DAB1: variants seen among roughly 807,000 people sequenced by gnomAD.
DAB1 encodes the protein DAB adaptor protein 1.
Under a neutral mutation model 64.6 loss-of-function variants are expected in DAB1, and 15 were observed. The ratio of observed to expected loss-of-function variants is 0.23; its 90% CI spans 0.16 to 0.36. The LOEUF (loss-of-function observed/expected upper bound fraction) is 0.36, where lower values mean the gene tolerates loss of function less well. Among genes scored for constraint, DAB1 ranks in the 10% least tolerant of loss-of-function variants. The pLI is 1.00. For missense variants in DAB1, 596 were observed against 706.7 expected (o/e 0.84, Z 1.78); for synonymous variants, 235 against 251.9 (o/e 0.93, Z 0.64).
chr1:57,591,399 C>A (rs755567939), intron 7 of DAB1, among the ~76,000 whole-genome samples: 4 of 152,170 alleles, frequency 2.6e-5, no homozygotes, highest in Admixed American at 6.5e-5. Flanking sequence ...GATATCACCA[C>A]AAATGTTCAG....
rs989094935 is a variant in DAB1, at chr1:57,897,444, T to C, written n.388-13282A>G. Reference sequence around the variant, plus strand: ...AATCCCATATTGATTTTTCTCTCAATTGATTTCACAAAATTTTCAGTTTAG... The same window carrying C: ...AATCCCATATTGATTTTTCTCTCAACTGATTTCACAAAATTTTCAGTTTAG... On this transcript the variant is annotated intron_variant and non_coding_transcript_variant, in intron 5 of 20. Coordinates refer to the DAB1 transcript ENST00000485760. 1.6e-4 allele frequency among the ~76,000 whole-genome samples: 25 copies of C among 152,212 alleles called. 1 individual carries two copies. The highest frequency in any genetic ancestry group is 2.8e-4 in the Non-Finnish European group (19 of 68,036).
chr1:57,842,200 T>C (rs761657263), intron 1 of DAB1, among the ~76,000 whole-genome samples: 4 of 152,208 alleles, frequency 2.6e-5, no homozygotes, highest in Non-Finnish European at 4.4e-5. Context: ...TGCTAATGCA[T>C]AGCAAGAGTT....
intron 7 of DAB1, among the ~76,000 whole-genome samples, chr1:57,578,067 G>T (rs989904509): frequency 7.2e-5 from 11 of 152,194 alleles, no homozygotes; most frequent in Non-Finnish European, 1.3e-4. Context: ...AGTGGAGAAA[G>T]CCCTTTGGGA....
At chr1:58,527,650 T>A (rs1297892364) in intron 1 of DAB1, among the ~76,000 whole-genome samples, 1 of 152,206 alleles carries the variant, frequency 6.6e-6, no homozygotes, top group Non-Finnish European at 1.5e-5. Context: ...CTAAGAAAGC[T>A]TATTGATGAA....
Position 57,062,943 on chromosome 1 carries a change from C to A in DAB1, c.664G>T (p.Val222Phe). ...DPETEENIYQ[V>F]PTSQKKEGVY... is the part of the protein sequence containing the mutation. Reference sequence around the variant, plus strand: ...CCTTCCTTCTTTTGGCTGGTGGGAACCTATGGAAAAATTAAATTCAGCACA... The same window carrying A: ...CCTTCCTTCTTTTGGCTGGTGGGAAACTATGGAAAAATTAAATTCAGCACA... Residue 222 changes from valine to phenylalanine, a missense_variant and splice_region_variant, in exon 9 of 15, where the codon GTT becomes TTT. Physicochemically the swap from Val to Phe is conservative, Grantham distance 50 (BLOSUM62 -1). This residue lies in a region of DAB1 where 176 missense variants were observed against 266.7 expected (regional missense o/e 0.66). Transcript: ENST00000371236. 2 of 1,613,922 alleles carry A rather than the reference C, an allele frequency of 1.2e-6. No homozygotes were observed. Among genetic ancestry groups the A allele is most frequent in the Non-Finnish European group, 1.7e-6 (2 of 1,179,814 alleles).
At chr1:57,525,058 G>A (rs1644575246) in intron 7 of DAB1, among the ~76,000 whole-genome samples, 1 of 152,146 alleles carries the variant, frequency 6.6e-6, no homozygotes. Flanking sequence ...AAGGATAAAG[G>A]TAGAATAAAG....
intron 4 of DAB1, among the ~76,000 whole-genome samples, chr1:58,196,184 TATTAC>T (rs1570471430): frequency 1.3e-5 from 2 of 152,116 alleles, no homozygotes; most frequent in East Asian, 3.9e-4. Flanking sequence ...CTGAGAAAGG[TATTAC>T]AAGCATAGGA....
At chr1:57,934,063 T>TTGTGTGAGTGTGTGTGTG (rs1644990369) in intron 5 of DAB1, among the ~76,000 whole-genome samples, 1 of 128,052 alleles carries the variant, frequency 7.8e-6, no homozygotes, top group African/African-American at 3.0e-5. Flanking sequence ...GCCCAGCTAA[T>TTGTGTGAGTGTGTGTGTG]TGTGTGTGTG....
intron 3 of DAB1, among the ~76,000 whole-genome samples, chr1:58,431,126 C>T (rs1229192989): frequency 1.3e-5 from 2 of 152,114 alleles, no homozygotes; most frequent in South Asian, 2.1e-4. Context: ...CTCAGCATGG[C>T]TTTTGAGGTT....
intron 2 of DAB1, among the ~76,000 whole-genome samples, chr1:57,214,772 G>C (rs1482607974): frequency 6.6e-6 from 1 of 151,718 alleles, no homozygotes; most frequent in Non-Finnish European, 1.5e-5. Context: ...TTAGCCAGAC[G>C]TGGTGGCGGG....
chr1:57,050,172 A>G (rs1318046748), intron 9 of DAB1, among the ~76,000 whole-genome samples: 1 of 152,074 alleles, frequency 6.6e-6, no homozygotes, highest in Admixed American at 6.5e-5. Context: ...CTCATATTAG[A>G]TCCCCTCTAT....
intron 5 of DAB1, among the ~76,000 whole-genome samples, chr1:58,138,965 T>C (rs1055724000): frequency 3.3e-5 from 5 of 152,154 alleles, no homozygotes; most frequent in African/African-American, 4.8e-5. Flanking sequence ...GATGAAGAGA[T>C]GGTTACTTGT....
rs1644362388 is a variant in DAB1, at chr1:57,507,773, G to C, written n.625+141819C>G. ...TCAGTTAGTATCTCAGATATGTCTAGAGGAGTCTGAATTTCCGTGGTCGGT... is the reference window on the plus strand; with the variant it reads ...TCAGTTAGTATCTCAGATATGTCTACAGGAGTCTGAATTTCCGTGGTCGGT... On this transcript the variant is annotated intron_variant and non_coding_transcript_variant, in intron 7 of 20. Coordinates refer to the DAB1 transcript ENST00000485760. 2.6e-5 allele frequency among the ~76,000 whole-genome samples: 4 copies of C among 152,170 alleles called. No individual in the cohort carries two copies. The South Asian group carries it at 8.3e-4, about 32-fold the overall frequency.
chr1:58,490,055 A>G (rs1018335141), intron 3 of DAB1, among the ~76,000 whole-genome samples: 6 of 152,242 alleles, frequency 3.9e-5, no homozygotes, highest in Non-Finnish European at 8.8e-5. Flanking sequence ...CCAAAGGAAC[A>G]CAGCTCGTCA....
chr1:57,278,537 A>G (rs553976291), intron 2 of DAB1, among the ~76,000 whole-genome samples: 1 of 152,346 alleles, frequency 6.6e-6, no homozygotes, highest in East Asian at 1.9e-4. Flanking sequence ...TCTGGAGTGA[A>G]AACAGTACAC....
intron 6 of DAB1, among the ~76,000 whole-genome samples, chr1:57,703,674 T>A (rs1172940507): frequency 2.6e-5 from 4 of 152,146 alleles, no homozygotes; most frequent in Non-Finnish European, 4.4e-5. Flanking sequence ...GACCCAGCAA[T>A]CCTATTACTG....
intron 3 of DAB1, among the ~76,000 whole-genome samples, chr1:58,477,249 C>T (rs752013501): frequency 2.6e-5 from 4 of 152,096 alleles, no homozygotes; most frequent in Non-Finnish European, 4.4e-5. Flanking sequence ...AACAAAAAAA[C>T]CTTGTAAACG....
intron 4 of DAB1, among the ~76,000 whole-genome samples, chr1:57,108,171 G>C (rs559502033): frequency 1.4e-4 from 22 of 152,252 alleles, no homozygotes; most frequent in South Asian, 6.2e-4. Context: ...AAATATCCCA[G>C]CACAATATAT....
intron 4 of DAB1, among the ~76,000 whole-genome samples, chr1:58,227,980 T>C (rs1160090726): frequency 6.6e-6 from 1 of 152,218 alleles, no homozygotes; most frequent in Non-Finnish European, 1.5e-5. Context: ...TAGACATCGT[T>C]GCTTTAAAAA....
Sources: gnomAD v4.1 joint callset for allele counts (sites outside exome capture counted in the v4.1 genomes callset) on GRCh38, gnomAD v4.1.1 for gene constraint, gnomAD v4.1.1 regional missense constraint, MANE v1.5 for transcripts, NCBI Gene and HGNC (gene_info 2026-07-23, HGNC 2026-07-21) for gene names.